MYO16: variants seen among roughly 807,000 people sequenced by gnomAD.
MYO16 encodes myosin XVI.
In MYO16, 94 loss-of-function variants were observed where a neutral mutation model predicts 205.3. That is an observed-to-expected ratio of 0.46 (90% CI 0.39 to 0.54). The LOEUF (loss-of-function observed/expected upper bound fraction) is 0.54, where lower values mean the gene tolerates loss of function less well. Ranked by LOEUF, MYO16 falls within the 20% of genes least tolerant of loss-of-function variation. The pLI, the probability that MYO16 is intolerant of heterozygous loss-of-function variation, is 0.00. For missense variants in MYO16, 2,315 were observed against 2,387.5 expected (o/e 0.97, Z 0.63); for synonymous variants, 988 against 954.0 (o/e 1.04, Z -0.66).
intron 10 of MYO16, among the ~76,000 whole-genome samples, chr13:108,845,079 A>C (rs960379792): frequency 2.0e-5 from 3 of 152,140 alleles, no homozygotes; most frequent in African/African-American, 7.2e-5. Context: ...GAAATAAATG[A>C]TTTTGTATAT....
chr13:109,066,613 A>G (rs1887755147), intron 27 of MYO16, among the ~76,000 whole-genome samples: 1 of 152,164 alleles, frequency 6.6e-6, no homozygotes, highest in African/African-American at 2.4e-5. Context: ...GATTTCCCAT[A>G]TTATTCTTCA....
At chr13:108,863,858 A>C (rs1309332530) in intron 11 of MYO16, among the ~76,000 whole-genome samples, 1 of 152,160 alleles carries the variant, frequency 6.6e-6, no homozygotes, top group African/African-American at 2.4e-5. Context: ...CTTTATAGGG[A>C]AATAACTAAT....
chr13:109,165,275 A>G (rs1878601186), intron 33 of MYO16, among the ~76,000 whole-genome samples: 2 of 152,228 alleles, frequency 1.3e-5, no homozygotes, highest in South Asian at 4.1e-4. Context: ...CTTTTCCGAA[A>G]TTTTATGGAG....
At chr13:108,879,442 C>T (rs1258435755) in intron 12 of MYO16, among the ~76,000 whole-genome samples, 1 of 151,880 alleles carries the variant, frequency 6.6e-6, no homozygotes, top group Non-Finnish European at 1.5e-5. Flanking sequence ...ATATATGTGC[C>T]ATGTTGGTGT....
At chr13:108,870,626 T>TGTTA (rs58560843) in intron 12 of MYO16, among the ~76,000 whole-genome samples, 103,013 of 151,622 alleles carry the variant, frequency 0.68, 35,240 homozygotes, top group East Asian at 0.89. Context: ...TAAAAAATTA[T>TGTTA]GTTATATTTA....
At chr13:108,707,686 T>C (rs762770425) in intron 2 of MYO16, among the ~76,000 whole-genome samples, 1 of 152,196 alleles carries the variant, frequency 6.6e-6, no homozygotes, top group African/African-American at 2.4e-5. Flanking sequence ...TTCTATCAAG[T>C]CTTTGCCACT....
intron 21 of MYO16, among the ~76,000 whole-genome samples, chr13:108,996,236 A>G (rs1473397474): frequency 6.6e-6 from 1 of 152,202 alleles, no homozygotes; most frequent in Non-Finnish European, 1.5e-5. Context: ...GTAATTTGGT[A>G]CTTCCAGTGG....
At chr13:108,820,269 T>C in intron 7 of MYO16, 68 bp from the exon 8 acceptor site, 1 of 1,151,982 alleles carries the variant, frequency 8.7e-7, no homozygotes, top group Non-Finnish European at 1.3e-6. Flanking sequence ...CAGCACAGTG[T>C]ATGACTTACT....
intron 12 of MYO16, among the ~76,000 whole-genome samples, chr13:108,882,650 C>CA (rs1879673919): frequency 6.6e-6 from 1 of 152,156 alleles, no homozygotes; most frequent in South Asian, 2.1e-4. Flanking sequence ...ATTTCAGCTG[C>CA]AACTGCCTCT....
chr13:109,195,308 GA>G (rs1880107117), intron 34 of MYO16, among the ~76,000 whole-genome samples: 1 of 151,994 alleles, frequency 6.6e-6, no homozygotes, highest in South Asian at 2.1e-4. Flanking sequence ...AAAATCCCAA[GA>G]ATGAATTTAA....
At chr13:108,635,487 T>C (rs922521587) in intron 1 of MYO16, among the ~76,000 whole-genome samples, 1 of 150,706 alleles carries the variant, frequency 6.6e-6, no homozygotes, top group African/African-American at 2.5e-5. Flanking sequence ...ATGAATGTGG[T>C]GTAGATGGTT....
At chr13:108,576,318 G>A in the MYO16 span, among the ~76,000 whole-genome samples, 1 of 152,136 alleles carries the variant, frequency 6.6e-6, no homozygotes, top group Non-Finnish European at 1.5e-5. Context: ...GTACATCCCT[G>A]GAGGGATGAC....
rs548269313 is a variant in MYO16 at position 109,024,950 on chromosome 13, C to T, written c.2796+5039C>T. Reference sequence around the variant, plus strand: ...ATTCTGAATTTTATAAATCAAGACACGTAGAAAAAGTTAACTGATTTGAAA... The same window carrying T: ...ATTCTGAATTTTATAAATCAAGACATGTAGAAAAAGTTAACTGATTTGAAA... On this transcript the variant is annotated intron_variant, in intron 23 of 34. Transcript: ENST00000457511. Among the ~76,000 whole-genome samples, 13 of 152,186 alleles carry T rather than the reference C, an allele frequency of 8.5e-5. No homozygotes were observed. In the East Asian group the frequency reaches 1.7e-3, roughly 20 times the overall value.
At chr13:108,834,989 G>A (rs406801) in intron 9 of MYO16, among the ~76,000 whole-genome samples, 93,728 of 151,930 alleles carry the variant, frequency 0.62, 29,769 homozygotes, top group Middle Eastern at 0.72. Context: ...GTAAAATATT[G>A]TATGCCATCA....
intron 5 of MYO16, among the ~76,000 whole-genome samples, chr13:108,789,563 GGT>G (rs1481026984): frequency 6.6e-6 from 1 of 152,200 alleles, no homozygotes; most frequent in Non-Finnish European, 1.5e-5. Flanking sequence ...TACATAAGAT[GGT>G]CGCAAGTCGT....
intron 27 of MYO16, among the ~76,000 whole-genome samples, chr13:109,065,997 T>C (rs1259272238): frequency 6.6e-6 from 1 of 152,202 alleles, no homozygotes; most frequent in Non-Finnish European, 1.5e-5. Context: ...GCTGTGTTTT[T>C]AGATTGTTAC....
intron 20 of MYO16, among the ~76,000 whole-genome samples, chr13:108,980,522 T>C (rs895902660): frequency 4.6e-5 from 7 of 152,204 alleles, no homozygotes; most frequent in Admixed American, 3.3e-4. Flanking sequence ...GAGAGCAGAA[T>C]GTCCCTTTTT....
At chr13:109,091,364 C>A (rs1343210819) in intron 27 of MYO16, among the ~76,000 whole-genome samples, 3 of 152,190 alleles carry the variant, frequency 2.0e-5, no homozygotes, top group Admixed American at 6.5e-5. Flanking sequence ...AATGTTGCTG[C>A]CTGCAAGCTT....
chr13:108,901,872 C>T (rs934871915), intron 15 of MYO16, among the ~76,000 whole-genome samples: 4 of 152,120 alleles, frequency 2.6e-5, no homozygotes, highest in Admixed American at 2.0e-4. Context: ...AGATCATAAA[C>T]GTGGTAGGAC....
Sources: gnomAD v4.1 joint callset for allele counts (sites outside exome capture counted in the v4.1 genomes callset) on GRCh38, gnomAD v4.1.1 for gene constraint, MANE v1.5 for transcripts, NCBI Gene and HGNC (gene_info 2026-07-23, HGNC 2026-07-21) for gene names.